The following MLLT3 variants were observed in gnomAD, a reference collection of about 807,000 sequenced individuals.
MLLT3 encodes the protein protein AF-9.
A neutral mutation model predicts 53.2 loss-of-function variants in MLLT3; 4 were observed. The ratio of observed to expected loss-of-function variants is 0.08; its 90% CI spans 0.04 to 0.17. The LOEUF is 0.17. MLLT3 is among the 10% of genes least tolerant of loss of function. The probability of loss-of-function intolerance (pLI) is 1.00; values close to 1 mark genes in which losing one functional copy is unlikely to be tolerated. For synonymous variants in MLLT3, 283 were observed against 230.6 expected, an observed-to-expected ratio of 1.23 and a Z score of -2.06; for missense variants, 569 against 684.0, an observed-to-expected ratio of 0.83 and a Z score of 1.87.
At chr9:20,488,163 T>C (rs985445560) in intron 2 of MLLT3, among the ~76,000 whole-genome samples, 1 of 151,984 alleles carries the variant, frequency 6.6e-6, no homozygotes, top group East Asian at 1.9e-4. Context: ...GTCACATTAA[T>C]AGAGACAGAA....
At chr9:20,543,122 C>T (rs1457410802) in intron 2 of MLLT3, among the ~76,000 whole-genome samples, 2 of 152,198 alleles carry the variant, frequency 1.3e-5, no homozygotes, top group Non-Finnish European at 2.9e-5. Context: ...GTTTGATCTA[C>T]CCAGACCACT....
chr9:20,599,558 G>A (rs761304068), intron 2 of MLLT3, among the ~76,000 whole-genome samples: 6 of 151,716 alleles, frequency 4.0e-5, no homozygotes, highest in African/African-American at 1.2e-4. Context: ...GCCAGACTTA[G>A]GCCTCAGAAT....
chr9:20,395,755 T>C (rs912634748), intron 5 of MLLT3, among the ~76,000 whole-genome samples: 5 of 152,190 alleles, frequency 3.3e-5, no homozygotes, highest in African/African-American at 1.2e-4. Context: ...CCACATATAA[T>C]GAAAGCAACA....
In MLLT3 at chr9:20,622,373, G is replaced by A; in HGVS notation, c.-117C>T. 1.1e-6 allele frequency: 1 copy of A among 923,126 alleles called. No homozygotes were observed. Among genetic ancestry groups the A allele is most frequent in the South Asian group, 1.9e-5 (1 of 52,654 alleles). The allele number at this position is 923,126 out of a possible 1,614,324, so 57.2% of individuals were successfully genotyped here. On this transcript the variant is annotated 5_prime_UTR_variant, in exon 1 of 11. Coordinates refer to ENST00000380338, the MANE Select transcript of MLLT3 (RefSeq NM_004529.4). ...AATGAGAGCGCGCCCAGGAGCGGAGGGTAGATGGCGGACATTCTCTGCCTT... is the reference window on the plus strand; with the variant it reads ...AATGAGAGCGCGCCCAGGAGCGGAGAGTAGATGGCGGACATTCTCTGCCTT...
chr9:20,450,880 C>T lies in MLLT3; in HGVS notation c.277-2614G>A, dbSNP rs374207206. Among the ~76,000 whole-genome samples, 14 of 152,316 alleles carry T rather than the reference C, an allele frequency of 9.2e-5. 1 individual carries two copies. Among genetic ancestry groups the T allele is most frequent in the Admixed American group, 5.9e-4 (9 of 15,290 alleles). ...CAGTTTTCTGCCATGTAACTGGGAG[C>T]ATAAACTGGTAAAGCCTTTTTGGTA... On this transcript the variant is annotated intron_variant, in intron 3 of 10. Transcript: ENST00000380338.
chr9:20,542,186 C>A lies in MLLT3; in HGVS notation c.193+78468G>T, dbSNP rs372325949. Among the ~76,000 whole-genome samples the A allele has an allele frequency of 2.6e-4, 40 of 151,486 alleles. 2 individuals carry two copies. The East Asian group carries it at 5.6e-3, about 21-fold the overall frequency. ...AGAAAATAGTATCAATCTCCTCATACATTCCCATCACAGCTCTTCTGTAAC... is the reference window on the plus strand; with the variant it reads ...AGAAAATAGTATCAATCTCCTCATAAATTCCCATCACAGCTCTTCTGTAAC... On this transcript the variant is annotated intron_variant, in intron 2 of 10. Coordinates refer to ENST00000380338, the MANE Select transcript of MLLT3 (RefSeq NM_004529.4).
intron 2 of MLLT3, among the ~76,000 whole-genome samples, chr9:20,519,895 T>C (rs1818016213): frequency 6.6e-6 from 1 of 152,158 alleles, no homozygotes; most frequent in Non-Finnish European, 1.5e-5. Context: ...GACACATACA[T>C]GTATATGTTC....
At chr9:20,471,078 C>G (rs1281197246) in intron 2 of MLLT3, among the ~76,000 whole-genome samples, 2 of 151,906 alleles carry the variant, frequency 1.3e-5, no homozygotes, top group East Asian at 3.8e-4. Flanking sequence ...GCTCTGCCAG[C>G]CACCCTTTTT....
chr9:20,381,234 G>A (rs1821901311), intron 5 of MLLT3, among the ~76,000 whole-genome samples: 1 of 151,846 alleles, frequency 6.6e-6, no homozygotes, highest in Non-Finnish European at 1.5e-5. Context: ...ATCGGGATTA[G>A]CATTCATATA....
intron 6 of MLLT3, among the ~76,000 whole-genome samples, chr9:20,364,241 A>G (rs578219497): frequency 6.6e-6 from 1 of 152,340 alleles, no homozygotes; most frequent in Non-Finnish European, 1.5e-5. Flanking sequence ...CAGCATGTAT[A>G]AACATAAACA....
chr9:20,552,316 C>T (rs1388659624), intron 2 of MLLT3, among the ~76,000 whole-genome samples: 1 of 152,118 alleles, frequency 6.6e-6, no homozygotes, highest in Non-Finnish European at 1.5e-5. Context: ...AAAAGACCAC[C>T]CAGTAGATAC....
chr9:20,420,871 T>C (rs967189750), intron 4 of MLLT3, among the ~76,000 whole-genome samples: 2 of 152,178 alleles, frequency 1.3e-5, no homozygotes, highest in Non-Finnish European at 2.9e-5. Flanking sequence ...TATGTATCCA[T>C]AGAACACTGA....
At chr9:20,431,812 G>C (rs1000187223) in intron 4 of MLLT3, among the ~76,000 whole-genome samples, 1 of 151,998 alleles carries the variant, frequency 6.6e-6, no homozygotes, top group Non-Finnish European at 1.5e-5. Flanking sequence ...CAGTGAAATA[G>C]ACAATAATAA....
chr9:20,450,548 A>G (rs893648620), intron 3 of MLLT3, among the ~76,000 whole-genome samples: 1 of 152,028 alleles, frequency 6.6e-6, no homozygotes, highest in South Asian at 2.1e-4. Flanking sequence ...GTTCCCCAAT[A>G]CTTCACATTA....
chr9:20,510,342 G>A (rs1044866055), intron 2 of MLLT3, among the ~76,000 whole-genome samples: 3 of 152,234 alleles, frequency 2.0e-5, no homozygotes, highest in Non-Finnish European at 4.4e-5. Flanking sequence ...GCCAGGCGCG[G>A]TGGCTCACAC....
intron 2 of MLLT3, among the ~76,000 whole-genome samples, chr9:20,555,008 T>C (rs1029818077): frequency 7.2e-5 from 11 of 152,228 alleles, no homozygotes; most frequent in African/African-American, 2.4e-4. Context: ...ATTATTCCTT[T>C]CTAATTAATT....
At chr9:20,455,513 G>A (rs996524759) in intron 3 of MLLT3, among the ~76,000 whole-genome samples, 1 of 152,136 alleles carries the variant, frequency 6.6e-6, no homozygotes, top group Non-Finnish European at 1.5e-5. Flanking sequence ...ATACATCTGG[G>A]TAGAATTTGA....
chr9:20,363,327 T>C, intron 7 of MLLT3, 149 bp downstream of exon 7: 1 of 837,282 alleles, frequency 1.2e-6, no homozygotes, highest in Non-Finnish European at 1.8e-6. Context: ...AAAGTGTGTG[T>C]AGGCATACCA....
intron 5 of MLLT3, among the ~76,000 whole-genome samples, chr9:20,370,806 A>G (rs1307449385): frequency 1.3e-5 from 2 of 152,168 alleles, no homozygotes; most frequent in African/African-American, 2.4e-5. Context: ...CCACTGCACC[A>G]AGACACATCT....
Sources: gnomAD v4.1 joint callset for allele counts (sites outside exome capture counted in the v4.1 genomes callset) on GRCh38, gnomAD v4.1.1 for gene constraint, MANE v1.5 for transcripts, NCBI Gene and HGNC (gene_info 2026-07-23, HGNC 2026-07-21) for gene names.